The following CLTC variants were observed in gnomAD, a reference collection of about 807,000 sequenced individuals.
The protein encoded by CLTC is clathrin heavy chain 1.
In CLTC, 16 loss-of-function variants were observed where a neutral mutation model predicts 195.8. The observed-to-expected ratio is 0.08, with a 90% confidence interval of 0.06 to 0.12. The LOEUF (loss-of-function observed/expected upper bound fraction) is 0.12, where lower values mean the gene tolerates loss of function less well. CLTC is among the 10% of genes least tolerant of loss of function. The pLI, the probability that CLTC is intolerant of heterozygous loss-of-function variation, is 1.00. For missense variants in CLTC, 796 were observed against 2,027.0 expected (o/e 0.39, Z 11.66); for synonymous variants, 667 against 689.4 (o/e 0.97, Z 0.51).
At chr17:59,622,780 C>T (rs1269765891) in intron 1 of CLTC, among the ~76,000 whole-genome samples, 4 of 152,148 alleles carry the variant, frequency 2.6e-5, no homozygotes, top group Non-Finnish European at 1.5e-5. Context: ...AAACTGGAAA[C>T]AAGAAATGGG....
chr17:59,689,005 T>G (rs2033241430), intron 30 of CLTC, among the ~76,000 whole-genome samples: 1 of 152,200 alleles, frequency 6.6e-6, no homozygotes, highest in Admixed American at 6.5e-5. Flanking sequence ...ACTAATAATT[T>G]TTGTTCTAAG....
chr17:59,687,898 G>A (rs868639389), intron 30 of CLTC, among the ~76,000 whole-genome samples: 78 of 152,116 alleles, frequency 5.1e-4, no homozygotes, highest in African/African-American at 1.8e-3. Context: ...ACTTACGTCT[G>A]TTATCAAATT....
rs140353452 is a variant in CLTC, at chr17:59,664,289, C to T, written c.1521+295C>T. On this transcript the variant is annotated intron_variant, in intron 9 of 31. Coordinates refer to ENST00000269122, the MANE Select transcript of CLTC (RefSeq NM_004859.4). ...AAGCCAGGCCAGGTGTGGTGGCTTG[C>T]GCCTGTAATCCCAGCACTTTGGGAG... Among the ~76,000 whole-genome samples, 610 of 152,158 alleles carry T rather than the reference C, an allele frequency of 4.0e-3. 8 individuals are homozygous for T. Among genetic ancestry groups the T allele is most frequent in the Middle Eastern group, 6.8e-3 (2 of 294 alleles).
rs1322983742 is a variant in CLTC at position 59,683,866 on chromosome 17, A to C, written c.4324-9A>C. 1 of 1,612,716 alleles carries C rather than the reference A, an allele frequency of 6.2e-7. No homozygotes were observed. The highest frequency in any genetic ancestry group is 1.3e-5 in the African/African-American group (1 of 74,900). ...GTGCTATATTTGTAACAAACTCTTT[A>C]TTTTAAAGGTTAAACAGCTACCACT... On this transcript the variant is annotated splice_polypyrimidine_tract_variant and intron_variant, in intron 27 of 31. Coordinates refer to ENST00000269122, the MANE Select transcript of CLTC (RefSeq NM_004859.4). The surrounding 1 kb of genome is among the most constrained non-coding windows in gnomAD (Gnocchi z 6.1).
At chr17:59,637,000 T>C (rs1254175366) in intron 1 of CLTC, among the ~76,000 whole-genome samples, 1 of 150,686 alleles carries the variant, frequency 6.6e-6, no homozygotes, top group Non-Finnish European at 1.5e-5. Context: ...CAGGCTGGTC[T>C]TGAACTCTTG....
chr17:59,681,908 A>C lies in CLTC; in HGVS notation c.3442+69A>C, dbSNP rs948667277. 2.9e-6 allele frequency: 4 copies of C among 1,379,730 alleles called. No individual in the cohort carries two copies. Among genetic ancestry groups the C allele is most frequent in the Non-Finnish European group, 3.0e-6 (3 of 1,013,492 alleles). The allele number at this position is 1,379,730 out of a possible 1,614,324, so 85.5% of individuals were successfully genotyped here. A position where few individuals can be genotyped will look rare whatever the true frequency, so the allele number is the denominator to read the frequency against. On this transcript the variant is annotated intron_variant, in intron 21 of 31. Transcript: ENST00000269122. The surrounding 1 kb of genome is among the most constrained non-coding windows in gnomAD (Gnocchi z 5.0). ...AAGCTAAGCATTAAGATATCTGTCT[A>C]TTCTGAATTTTAGAAGAGTTGGATA... is the stretch of plus-strand genomic sequence containing the variant.
chr17:59,662,158 T>A (rs1195737560), intron 8 of CLTC, among the ~76,000 whole-genome samples: 1 of 151,666 alleles, frequency 6.6e-6, no homozygotes, highest in Non-Finnish European at 1.5e-5. Context: ...TAATTAGCAA[T>A]GAGATACTGT....
chr17:59,694,145 T>C lies in CLTC; in HGVS notation c.*293T>C, dbSNP rs1421977889. 6 of 263,706 alleles carry C rather than the reference T, an allele frequency of 2.3e-5. No homozygotes were observed. The highest frequency in any genetic ancestry group is 4.4e-5 in the Non-Finnish European group (6 of 137,920). The allele number at this position is 263,706 out of a possible 1,614,324, so 16.3% of individuals were successfully genotyped here. ...GAACTGCTCAATATTCAATCTGTTG[T>C]GAAGAACCTGATTTGCACTCTGTAG... On this transcript the variant is annotated 3_prime_UTR_variant, in exon 32 of 32. Transcript: ENST00000269122.
Position 59,695,208 on chromosome 17 carries a change from C to T in CLTC, c.*1356C>T, listed in dbSNP as rs2033392990. Reference sequence around the variant, plus strand: ...ATTGGTTGTGTGAATCCAGCTCTTGCTTATGGCTGAGAATGTTCCTAAAGT... The same window carrying T: ...ATTGGTTGTGTGAATCCAGCTCTTGTTTATGGCTGAGAATGTTCCTAAAGT... On this transcript the variant is annotated 3_prime_UTR_variant, in exon 32 of 32. Coordinates refer to ENST00000269122, the MANE Select transcript of CLTC (RefSeq NM_004859.4). 1 of 199,906 alleles carries T rather than the reference C, an allele frequency of 5.0e-6. No homozygotes were observed. The allele number at this position is 199,906 out of a possible 1,614,324, so 12.4% of individuals were successfully genotyped here. A position where few individuals can be genotyped will look rare whatever the true frequency, so the allele number is the denominator to read the frequency against.
intron 1 of CLTC, among the ~76,000 whole-genome samples, chr17:59,634,640 A>T (rs1374162886): frequency 6.6e-6 from 1 of 152,130 alleles, no homozygotes; most frequent in Non-Finnish European, 1.5e-5. Flanking sequence ...AAATTCTAAG[A>T]GCCAGTGATT....
chr17:59,641,603 C>CAAAAAA (rs34208843), intron 1 of CLTC, among the ~76,000 whole-genome samples: 30 of 48,822 alleles, frequency 6.1e-4, no homozygotes, highest in East Asian at 1.5e-3. Context: ...GACTCCATCT[C>CAAAAAA]AAAAAAAAAA....
chr17:59,658,874 T>C (rs2032540544), intron 6 of CLTC: 1 of 152,174 alleles, frequency 6.6e-6, no homozygotes, highest in African/African-American at 2.4e-5. Context: ...TTACTTCCTT[T>C]AAATAAGCCT....
In CLTC at chr17:59,666,051, A is replaced by G. The variant is rs758636529; in HGVS notation, c.1645-52A>G. 14 of 1,375,002 alleles carry G rather than the reference A, an allele frequency of 1.0e-5. No homozygotes were observed. The highest frequency in any genetic ancestry group is 4.3e-5 in the African/African-American group (3 of 69,962). The allele number at this position is 1,375,002 out of a possible 1,614,324, so 85.2% of individuals were successfully genotyped here. ...AAAGAGTTCATGCATAATTTTGTCT[A>G]CATACTCTCCATAGTATCTTAAAAC... On this transcript the variant is annotated intron_variant, in intron 10 of 31. Coordinates refer to ENST00000269122, the MANE Select transcript of CLTC (RefSeq NM_004859.4). The surrounding 1 kb of genome is among the most constrained non-coding windows in gnomAD (Gnocchi z 4.9).
At chr17:59,654,920 G>A (rs1425193880) in intron 5 of CLTC, among the ~76,000 whole-genome samples, 1 of 152,136 alleles carries the variant, frequency 6.6e-6, no homozygotes, top group African/African-American at 2.4e-5. Context: ...GTCTGTGGTA[G>A]GTTTCTTAGA....
chr17:59,684,815 A>AAAAT (rs2033147515), intron 28 of CLTC, among the ~76,000 whole-genome samples: 1 of 151,284 alleles, frequency 6.6e-6, no homozygotes, highest in Non-Finnish European at 1.5e-5. Context: ...TCAAAAAAAA[A>AAAAT]GAAAAAAATC....
chr17:59,687,579 A>G (rs1010367550), intron 30 of CLTC, among the ~76,000 whole-genome samples: 5 of 151,810 alleles, frequency 3.3e-5, no homozygotes, highest in African/African-American at 1.2e-4. Flanking sequence ...GAGAGATACT[A>G]GCTGCTTCCG....
intron 13 of CLTC, 77 bp downstream of exon 13, chr17:59,667,054 G>T: frequency 8.4e-7 from 1 of 1,194,380 alleles, no homozygotes; most frequent in Non-Finnish European, 1.2e-6. Flanking sequence ...TCAGGCTGTT[G>T]GAAATTTTGT....
At position 59,660,440 on chromosome 17, in the gene CLTC, A is replaced by C. The variant is rs750086173; in HGVS notation, c.1019A>C (p.Asn340Thr). 6.2e-7 allele frequency: 1 copy of C among 1,614,130 alleles called. No individual in the cohort carries two copies. The highest frequency in any genetic ancestry group is 2.2e-5 in the East Asian group (1 of 44,870). Reference protein sequence around the residue: ...EEENIIPYITNVLQNPDLALR... With the variant: ...EEENIIPYITTVLQNPDLALR... The stretch of plus-strand genomic sequence containing the variant: ...GAAAACATAATTCCTTACATCACCA[A>C]TGTTCTACAAAATCCTGATTTGGCT... The change falls in exon 7 of 32, where the codon AAT (asparagine) becomes ACT (threonine). Residue 340 changes from asparagine (N) to threonine (T), a missense_variant. Physicochemically the swap from Asn to Thr is moderately conservative, Grantham distance 65 (BLOSUM62 0). Coordinates refer to ENST00000269122, the MANE Select transcript of CLTC (RefSeq NM_004859.4).
chr17:59,631,590 T>A (rs1359962451), intron 1 of CLTC, among the ~76,000 whole-genome samples: 1 of 152,242 alleles, frequency 6.6e-6, no homozygotes, highest in Admixed American at 6.5e-5. Context: ...AACAATTGGT[T>A]CTGAAATCAG....
Sources: allele counts gnomAD v4.1 joint callset (sites outside exome capture counted in the v4.1 genomes callset), GRCh38; gene constraint gnomAD v4.1.1; non-coding constraint Gnocchi (gnomAD v3.1); transcripts MANE v1.5; gene names NCBI Gene and HGNC (gene_info 2026-07-23, HGNC 2026-07-21).